RANBP17: variants seen among roughly 807,000 people sequenced by gnomAD.
The protein encoded by RANBP17 is RAN binding protein 17.
RANBP17 carries 158 observed loss-of-function variants against 141.2 expected under a neutral mutation model. That is an observed-to-expected ratio of 1.12 (90% CI 0.98 to 1.28). The LOEUF is 1.28. Ranked by LOEUF, RANBP17 falls within the 50% of genes most tolerant of loss-of-function variation. The pLI is 0.00. For synonymous variants in RANBP17, 430 were observed against 450.0 expected (o/e 0.96, Z 0.56); for missense variants, 1,438 against 1,290.7 (o/e 1.11, Z -1.75).
At chr5:170,886,651 CTTTTT>C (rs3080616) in intron 3 of RANBP17, among the ~76,000 whole-genome samples, 10 of 87,872 alleles carry the variant, frequency 1.1e-4, no homozygotes, top group East Asian at 3.7e-4. Context: ...TTTGAGGTGC[CTTTTT>C]TTTTTTTTTT....
At chr5:171,190,323 G>A (rs1761540804) in intron 18 of RANBP17, among the ~76,000 whole-genome samples, 1 of 152,268 alleles carries the variant, frequency 6.6e-6, no homozygotes, top group East Asian at 1.9e-4. Flanking sequence ...TGGCGGCGGG[G>A]CAGGGGGTGG....
At chr5:170,864,384 C>T (rs1339308519) in intron 1 of RANBP17, among the ~76,000 whole-genome samples, 1 of 152,170 alleles carries the variant, frequency 6.6e-6, no homozygotes, top group African/African-American at 2.4e-5. Context: ...TTAACATAAA[C>T]CGCTCATTGC....
At position 171,086,153 on chromosome 5, in the gene RANBP17, A is replaced by C. The variant is rs984759999; in HGVS notation, c.1711-83977A>C. Among the ~76,000 whole-genome samples, 7 of 141,534 alleles carry C rather than the reference A, an allele frequency of 4.9e-5. No homozygotes were observed. In the Admixed American group the frequency reaches 5.0e-4, roughly 10 times the overall value. The allele number at this position is 141,534 out of a possible 152,430, so 92.9% of individuals were successfully genotyped here. ...GATACGTCCCATCAATACCTAATTT[A>C]TTGAGAGTTTTTAGCATGAAGGGTT... On this transcript the variant is annotated intron_variant, in intron 14 of 27. Coordinates refer to ENST00000523189, the MANE Select transcript of RANBP17 (RefSeq NM_022897.5).
chr5:170,868,915 A>T (rs997924543), intron 1 of RANBP17, among the ~76,000 whole-genome samples: 4 of 152,212 alleles, frequency 2.6e-5, no homozygotes, highest in Non-Finnish European at 4.4e-5. Context: ...ATACGTCTAG[A>T]TAATACCTTT....
intron 14 of RANBP17, among the ~76,000 whole-genome samples, chr5:171,082,127 C>T (rs1209541915): frequency 6.6e-6 from 1 of 152,050 alleles, no homozygotes; most frequent in Non-Finnish European, 1.5e-5. Context: ...TTCTAATATC[C>T]AGTTGCCTTC....
At chr5:171,190,195 T>G (rs1314026105) in intron 18 of RANBP17, among the ~76,000 whole-genome samples, 2 of 152,150 alleles carry the variant, frequency 1.3e-5, no homozygotes, top group African/African-American at 4.8e-5. Flanking sequence ...GGAAAGAAAT[T>G]GGGTGTCACA....
intron 12 of RANBP17, among the ~76,000 whole-genome samples, chr5:170,931,917 A>G (rs1773424150): frequency 1.3e-5 from 2 of 152,154 alleles, no homozygotes; most frequent in Non-Finnish European, 2.9e-5. Context: ...TATGAACTTT[A>G]AAGTAGTTTT....
chr5:170,985,282 T>C (rs992989010), intron 14 of RANBP17, among the ~76,000 whole-genome samples: 2 of 152,310 alleles, frequency 1.3e-5, no homozygotes, highest in Non-Finnish European at 2.9e-5. Context: ...TGGTTGGTTA[T>C]GAAACCTTAT....
chr5:171,072,221 G>A (rs75639467), intron 14 of RANBP17, among the ~76,000 whole-genome samples: 4,150 of 152,170 alleles, frequency 0.027, 181 homozygotes, highest in African/African-American at 0.092. Context: ...AGGGGCAGGC[G>A]TGATTTCTAG....
At chr5:170,944,058 G>T (rs1407893383) in intron 12 of RANBP17, among the ~76,000 whole-genome samples, 1 of 151,874 alleles carries the variant, frequency 6.6e-6, no homozygotes, top group Non-Finnish European at 1.5e-5. Context: ...CTGTTCCTAT[G>T]TATTCTACCT....
At chr5:170,972,283 G>A (rs1209037240) in intron 14 of RANBP17, among the ~76,000 whole-genome samples, 1 of 149,730 alleles carries the variant, frequency 6.7e-6, no homozygotes, top group Non-Finnish European at 1.5e-5. Flanking sequence ...CCAGGTTCAA[G>A]TGATTTTCCT....
chr5:170,975,814 G>T (rs1011883010), intron 14 of RANBP17, among the ~76,000 whole-genome samples: 2 of 149,092 alleles, frequency 1.3e-5, no homozygotes, highest in African/African-American at 4.9e-5. Flanking sequence ...TAGTACTAGG[G>T]TCTTAATATA....
chr5:170,985,034 C>T (rs1778040527), intron 14 of RANBP17, among the ~76,000 whole-genome samples: 2 of 91,372 alleles, frequency 2.2e-5, no homozygotes, highest in Admixed American at 1.2e-4. Context: ...CACACACAGA[C>T]ACACAGGCAC....
intron 1 of RANBP17, among the ~76,000 whole-genome samples, chr5:170,862,408 C>G (rs1307087591): frequency 6.6e-6 from 1 of 152,208 alleles, no homozygotes; most frequent in Non-Finnish European, 1.5e-5. Flanking sequence ...CCAGCTGGGC[C>G]GGCTTTGGCG....
At chr5:171,032,396 CAG>C (rs1454796078) in intron 14 of RANBP17, among the ~76,000 whole-genome samples, 2 of 152,070 alleles carry the variant, frequency 1.3e-5, no homozygotes, top group Admixed American at 1.3e-4. Context: ...ATAAAGAGGA[CAG>C]GGAGTAATTG....
chr5:171,148,409 A>T (rs929403287), intron 14 of RANBP17, among the ~76,000 whole-genome samples: 1 of 152,004 alleles, frequency 6.6e-6, no homozygotes, highest in Non-Finnish European at 1.5e-5. Flanking sequence ...TAAAAAAAAA[A>T]TTTTTAATCT....
intron 24 of RANBP17, chr5:171,252,414 C>A: frequency 1.3e-6 from 2 of 1,522,800 alleles, no homozygotes; most frequent in Non-Finnish European, 1.8e-6. Context: ...ATTTTTTAGA[C>A]CTGTCTGTTG....
chr5:170,867,954 T>C (rs1442679524), intron 1 of RANBP17, among the ~76,000 whole-genome samples: 2 of 152,158 alleles, frequency 1.3e-5, no homozygotes, highest in African/African-American at 4.8e-5. Flanking sequence ...AGGAAATCAC[T>C]GATTTGCTTT....
At chr5:171,155,450 T>C (rs1758832943) in intron 14 of RANBP17, among the ~76,000 whole-genome samples, 1 of 152,144 alleles carries the variant, frequency 6.6e-6, no homozygotes, top group Non-Finnish European at 1.5e-5. Context: ...GCATTTACTA[T>C]TAAAAAAGAA....
Sources: allele counts gnomAD v4.1 joint callset (sites outside exome capture counted in the v4.1 genomes callset), GRCh38; gene constraint gnomAD v4.1.1; transcripts MANE v1.5; gene names NCBI Gene and HGNC (gene_info 2026-07-23, HGNC 2026-07-21).